The following ST6GALNAC3 variants were observed in gnomAD, a reference collection of about 807,000 sequenced individuals.
ST6GALNAC3 encodes ST6 N-acetylgalactosaminide alpha-2,6-sialyltransferase 3.
A neutral mutation model predicts 32.7 loss-of-function variants in ST6GALNAC3; 25 were observed. The ratio of observed to expected loss-of-function variants is 0.76; its 90% confidence interval spans 0.56 to 1.07. The LOEUF (loss-of-function observed/expected upper bound fraction) is 1.07, where lower values mean the gene tolerates loss of function less well. ST6GALNAC3 is among the 50% of genes least tolerant of loss of function. The probability of loss-of-function intolerance (pLI) is 0.00; values close to 1 mark genes in which losing one functional copy is unlikely to be tolerated. For missense variants in ST6GALNAC3, 355 were observed against 382.4 expected, an observed-to-expected ratio of 0.93 and a Z score of 0.60; for synonymous variants, 129 against 133.1, an observed-to-expected ratio of 0.97 and a Z score of 0.21.
intron 2 of ST6GALNAC3, 97 bp downstream of exon 2, chr1:76,314,096 G>A (rs1646821990): frequency 8.3e-7 from 1 of 1,206,384 alleles, no homozygotes; most frequent in Non-Finnish European, 1.1e-6. Flanking sequence ...AACTTACTCT[G>A]TCTGCCCCGG....
At chr1:76,532,172 T>C (rs574822542) in intron 3 of ST6GALNAC3, among the ~76,000 whole-genome samples, 13 of 152,300 alleles carry the variant, frequency 8.5e-5, no homozygotes, top group South Asian at 6.2e-4. Flanking sequence ...AGAAATGTCT[T>C]ATGAAATCTT....
intron 3 of ST6GALNAC3, among the ~76,000 whole-genome samples, chr1:76,552,081 G>A (rs1269919276): frequency 5.3e-5 from 8 of 152,166 alleles, no homozygotes; most frequent in South Asian, 2.1e-4. Context: ...GCAGTGTAGC[G>A]GAGGCTGGGC....
At chr1:76,330,683 A>T (rs1352210163) in intron 2 of ST6GALNAC3, among the ~76,000 whole-genome samples, 1 of 152,174 alleles carries the variant, frequency 6.6e-6, no homozygotes, top group African/African-American at 2.4e-5. Flanking sequence ...TGTAATAGAT[A>T]CTATTATTAT....
chr1:76,194,368 T>G (rs1240290262), intron 1 of ST6GALNAC3, among the ~76,000 whole-genome samples: 2 of 152,142 alleles, frequency 1.3e-5, no homozygotes, highest in Non-Finnish European at 2.9e-5. Context: ...TCTACATTCT[T>G]AAGAAAAGTA....
chr1:76,536,850 A>G (rs986268996), intron 3 of ST6GALNAC3, among the ~76,000 whole-genome samples: 2 of 152,164 alleles, frequency 1.3e-5, no homozygotes, highest in Admixed American at 6.5e-5. Flanking sequence ...GTTCTTGGAG[A>G]CCTACAAAGA....
chr1:76,348,801 T>C (rs1263653510), intron 2 of ST6GALNAC3, among the ~76,000 whole-genome samples: 1 of 152,192 alleles, frequency 6.6e-6, no homozygotes, highest in African/African-American at 2.4e-5. Context: ...ATTAAATCAA[T>C]GTTGAGCGTC....
At chr1:76,554,304 C>G (rs2100383933) in intron 3 of ST6GALNAC3, among the ~76,000 whole-genome samples, 1 of 152,128 alleles carries the variant, frequency 6.6e-6, no homozygotes, top group East Asian at 1.9e-4. Context: ...TTTTAAGTCT[C>G]TCGGGTTATA....
chr1:76,591,997 A>C (rs1396885921), intron 3 of ST6GALNAC3, among the ~76,000 whole-genome samples: 1 of 152,222 alleles, frequency 6.6e-6, no homozygotes, highest in East Asian at 1.9e-4. Flanking sequence ...GTCAACCTGC[A>C]GAGAAGTGGC....
intron 3 of ST6GALNAC3, among the ~76,000 whole-genome samples, chr1:76,610,924 C>T (rs1170452499): frequency 1.3e-5 from 2 of 152,136 alleles, no homozygotes; most frequent in Admixed American, 6.5e-5. Context: ...CGCCCAGCTA[C>T]GTGCTAGGTA....
At chr1:76,120,482 A>G (rs1185935176) in intron 1 of ST6GALNAC3, among the ~76,000 whole-genome samples, 1 of 152,240 alleles carries the variant, frequency 6.6e-6, no homozygotes, top group Non-Finnish European at 1.5e-5. Flanking sequence ...TGTTAGTGGC[A>G]TACTTTGAAC....
chr1:76,513,228 T>TC (rs1661976514), intron 3 of ST6GALNAC3, among the ~76,000 whole-genome samples: 1 of 152,176 alleles, frequency 6.6e-6, no homozygotes, highest in Non-Finnish European at 1.5e-5. Context: ...TGTAAAGCAT[T>TC]CCCCCTATGT....
chr1:76,118,682 A>T (rs561661191), intron 1 of ST6GALNAC3, among the ~76,000 whole-genome samples: 1 of 152,232 alleles, frequency 6.6e-6, no homozygotes, highest in South Asian at 2.1e-4. Context: ...GACTTTTACA[A>T]ACCCCCAAAC....
intron 3 of ST6GALNAC3, among the ~76,000 whole-genome samples, chr1:76,623,763 AGTT>A (rs947096794): frequency 3.6e-4 from 54 of 152,084 alleles, no homozygotes; most frequent in African/African-American, 1.3e-3. Flanking sequence ...TTAAAGGTCT[AGTT>A]GTGTGTAATT....
chr1:76,624,889 A>G (rs1269748469), intron 3 of ST6GALNAC3, among the ~76,000 whole-genome samples: 8 of 151,982 alleles, frequency 5.3e-5, no homozygotes. Flanking sequence ...GGGAGCATGA[A>G]ATGTGATCTG....
At chr1:76,227,309 G>T (rs1286976489) in intron 1 of ST6GALNAC3, among the ~76,000 whole-genome samples, 1 of 152,126 alleles carries the variant, frequency 6.6e-6, no homozygotes, top group Non-Finnish European at 1.5e-5. Flanking sequence ...CTGGTCCTTT[G>T]AGCAAGAATT....
At chr1:76,530,038 G>T (rs1663158396) in intron 3 of ST6GALNAC3, among the ~76,000 whole-genome samples, 1 of 152,130 alleles carries the variant, frequency 6.6e-6, no homozygotes, top group Non-Finnish European at 1.5e-5. Context: ...GTAGTTACTT[G>T]GCTAGGATTC....
At chr1:76,483,529 A>T (rs1659881033) in intron 3 of ST6GALNAC3, among the ~76,000 whole-genome samples, 1 of 152,136 alleles carries the variant, frequency 6.6e-6, no homozygotes, top group Non-Finnish European at 1.5e-5. Context: ...TCTTCTTTTG[A>T]GAAGTGTCTG....
chr1:76,338,749 C>T (rs1192365249), intron 2 of ST6GALNAC3, among the ~76,000 whole-genome samples: 1 of 136,614 alleles, frequency 7.3e-6, no homozygotes, highest in Non-Finnish European at 1.5e-5. Flanking sequence ...ATCCATAGTT[C>T]TAAGGTTGAG....
intron 3 of ST6GALNAC3, among the ~76,000 whole-genome samples, chr1:76,507,253 T>C (rs1366402454): frequency 3.3e-5 from 5 of 152,192 alleles, no homozygotes; most frequent in African/African-American, 9.7e-5. Context: ...TCTTTTTTCC[T>C]TTTCTTTTTT....
Sources: allele counts gnomAD v4.1 joint callset (sites outside exome capture counted in the v4.1 genomes callset), GRCh38; gene constraint gnomAD v4.1.1; transcripts MANE v1.5; gene names NCBI Gene and HGNC (gene_info 2026-07-23, HGNC 2026-07-21).